The following ERC2 variants were observed in gnomAD, a reference collection of about 807,000 sequenced individuals.
The protein encoded by ERC2 is ELKS/RAB6-interacting/CAST family member 2.
Under a neutral mutation model 114.8 loss-of-function variants are expected in ERC2, and 42 were observed. That is an observed-to-expected ratio of 0.37 (90% CI 0.29 to 0.47). The LOEUF is 0.47. ERC2 is among the 20% of genes least tolerant of loss of function. The pLI, the probability that ERC2 is intolerant of heterozygous loss-of-function variation, is 0.99. For synonymous variants in ERC2, 454 were observed against 425.5 expected, an observed-to-expected ratio of 1.07 and a Z score of -0.82; for missense variants, 939 against 1,150.7, an observed-to-expected ratio of 0.82 and a Z score of 2.66.
chr3:56,104,484 G>A (rs551891224), intron 6 of ERC2, among the ~76,000 whole-genome samples: 1 of 152,244 alleles, frequency 6.6e-6, no homozygotes, highest in Non-Finnish European at 1.5e-5. Flanking sequence ...ACTTTGTTGA[G>A]GTGGCATGCT....
intron 7 of ERC2, among the ~76,000 whole-genome samples, chr3:56,038,950 G>A (rs1005556767): frequency 3.9e-5 from 6 of 152,174 alleles, no homozygotes; most frequent in Non-Finnish European, 8.8e-5. Flanking sequence ...TGGGGGTTGG[G>A]AGAACATCAG....
At chr3:56,201,189 A>G (rs1358708119) in intron 3 of ERC2, among the ~76,000 whole-genome samples, 1 of 152,176 alleles carries the variant, frequency 6.6e-6, no homozygotes, top group Non-Finnish European at 1.5e-5. Context: ...AGCTCCCCTT[A>G]GGAAGCCTTT....
chr3:55,682,618 T>C (rs1045409029), intron 17 of ERC2, among the ~76,000 whole-genome samples: 5 of 152,164 alleles, frequency 3.3e-5, no homozygotes, highest in Non-Finnish European at 4.4e-5. Context: ...CTACCTGCCA[T>C]GCTATTTGAA....
At chr3:56,315,923 C>G (rs1429843387) in intron 2 of ERC2, among the ~76,000 whole-genome samples, 1 of 152,010 alleles carries the variant, frequency 6.6e-6, no homozygotes. Context: ...AGAACAAAAG[C>G]ATTATTGAAT....
chr3:56,399,897 C>G (rs2060457273), intron 2 of ERC2, among the ~76,000 whole-genome samples: 1 of 152,054 alleles, frequency 6.6e-6, no homozygotes, highest in Non-Finnish European at 1.5e-5. Flanking sequence ...TGGAGGGAAA[C>G]TATAGGACAA....
chr3:56,312,890 A>C (rs1367721439), intron 2 of ERC2, among the ~76,000 whole-genome samples: 3 of 150,490 alleles, frequency 2.0e-5, no homozygotes, highest in Non-Finnish European at 4.4e-5. Context: ...TTTATTAATG[A>C]ACTAGAATCA....
At chr3:55,518,092 C>T (rs1238677781) in intron 17 of ERC2, among the ~76,000 whole-genome samples, 1 of 152,092 alleles carries the variant, frequency 6.6e-6, no homozygotes, top group Middle Eastern at 3.2e-3. Flanking sequence ...TAGATGCCAG[C>T]AGCACTGCCC....
intron 13 of ERC2, among the ~76,000 whole-genome samples, chr3:55,949,196 C>T (rs2067322197): frequency 2.0e-5 from 3 of 151,934 alleles, no homozygotes; most frequent in South Asian, 2.1e-4. Context: ...AGTGAAACCC[C>T]GTCTCTACTA....
At chr3:56,373,977 T>C (rs1257695840) in intron 2 of ERC2, among the ~76,000 whole-genome samples, 4 of 152,206 alleles carry the variant, frequency 2.6e-5, no homozygotes, top group African/African-American at 9.6e-5. Context: ...TTGATCCTCG[T>C]TGGCTGACTG....
intron 5 of ERC2, among the ~76,000 whole-genome samples, chr3:56,140,634 C>T (rs1308094044): frequency 6.6e-6 from 1 of 152,138 alleles, no homozygotes; most frequent in Non-Finnish European, 1.5e-5. Context: ...CTATTCTGAA[C>T]ATTCTTATAC....
At chr3:55,918,858 G>A (rs762169440) in intron 13 of ERC2, among the ~76,000 whole-genome samples, 7 of 150,338 alleles carry the variant, frequency 4.7e-5, no homozygotes, top group Non-Finnish European at 1.0e-4. Context: ...CCAAAACACA[G>A]CATTGTGTAA....
intron 5 of ERC2, among the ~76,000 whole-genome samples, chr3:56,146,582 T>G (rs979507780): frequency 1.3e-5 from 2 of 152,228 alleles, no homozygotes; most frequent in Admixed American, 1.3e-4. Flanking sequence ...ACCTCTTCAA[T>G]AATAATGTTT....
chr3:55,875,724 A>ACACACACACACACACACACTCTCTCT, intron 14 of ERC2, among the ~76,000 whole-genome samples: 3 of 141,104 alleles, frequency 2.1e-5, no homozygotes, highest in African/African-American at 8.3e-5. Flanking sequence ...ACACACACAC[A>ACACACACACACACACACACTCTCTCT]CTCTCTCTCT....
intron 17 of ERC2, among the ~76,000 whole-genome samples, chr3:55,578,150 T>C (rs977528491): frequency 6.6e-6 from 1 of 152,216 alleles, no homozygotes; most frequent in Non-Finnish European, 1.5e-5. Flanking sequence ...TCTGCAGTGG[T>C]CTACCCACTG....
chr3:55,574,904 G>A (rs2056896535), intron 17 of ERC2, among the ~76,000 whole-genome samples: 1 of 152,180 alleles, frequency 6.6e-6, no homozygotes, highest in Admixed American at 6.5e-5. Flanking sequence ...TGACCCCACT[G>A]CCATGTAAGT....
At chr3:55,671,472 C>T (rs1044917087) in intron 17 of ERC2, among the ~76,000 whole-genome samples, 2 of 152,142 alleles carry the variant, frequency 1.3e-5, no homozygotes, top group South Asian at 2.1e-4. Flanking sequence ...GTGGTGGGCA[C>T]GTGGTCATCG....
At chr3:55,816,804 A>C (rs1287667340) in intron 14 of ERC2, among the ~76,000 whole-genome samples, 1 of 152,168 alleles carries the variant, frequency 6.6e-6, no homozygotes, top group African/African-American at 2.4e-5. Context: ...CAAGCAGGCA[A>C]AGCAGGCCTA....
At chr3:55,770,406 T>A (rs986913634) in intron 14 of ERC2, among the ~76,000 whole-genome samples, 4 of 152,308 alleles carry the variant, frequency 2.6e-5, no homozygotes, top group East Asian at 1.9e-4. Context: ...AAAATCCCAG[T>A]TTGAGGCTTT....
At chr3:55,713,807 T>C (rs940019637) in intron 15 of ERC2, among the ~76,000 whole-genome samples, 17 of 152,146 alleles carry the variant, frequency 1.1e-4, no homozygotes, top group Admixed American at 5.2e-4. Context: ...TATAAATCCA[T>C]CCATCCAGTC....
Sources: gnomAD v4.1 joint callset for allele counts (sites outside exome capture counted in the v4.1 genomes callset) on GRCh38, gnomAD v4.1.1 for gene constraint, MANE v1.5 for transcripts, NCBI Gene and HGNC (gene_info 2026-07-23, HGNC 2026-07-21) for gene names.